Variants in SSBP3 observed in about 807,000 individuals in gnomAD.
SSBP3 encodes single-stranded DNA-binding protein 3.
SSBP3 carries 5 observed loss-of-function variants against 69.6 expected under a neutral mutation model. That is an observed-to-expected ratio of 0.07 (90% CI 0.04 to 0.15). SSBP3 has a LOEUF of 0.15. Among genes scored for constraint, SSBP3 ranks in the 10% least tolerant of loss-of-function variants. The pLI, the probability that SSBP3 is intolerant of heterozygous loss-of-function variation, is 1.00. For synonymous variants in SSBP3, 196 were observed against 193.4 expected (o/e 1.01, Z -0.11); for missense variants, 312 against 534.0 (o/e 0.58, Z 4.10).
rs1386317678 is a variant in SSBP3, at chr1:54,240,071, TGTGTGTGTGTGTGTGTGC to T, written c.856+816_856+833del. The stretch of plus-strand genomic sequence containing the variant: ...GGGTGTGTGTGTGTGTGTGTGTGTG[TGTGTGTGTGTGTGTGTGC>T]GCGCGCGCGCGTGTGCGTGCGCGCG... On this transcript the variant is annotated intron_variant, in intron 13 of 17. Coordinates refer to ENST00000610401, the Ensembl canonical transcript of SSBP3. 3.8e-3 allele frequency among the ~76,000 whole-genome samples: 100 copies of T among 26,252 alleles called. 1 individual carries two copies. Among genetic ancestry groups the T allele is most frequent in the Middle Eastern group, 0.015 (1 of 66 alleles). 17.2% of individuals were successfully genotyped at this position (26,252 alleles called of 152,430 possible).
intron 4 of SSBP3, among the ~76,000 whole-genome samples, chr1:54,394,280 A>G (rs953297761): frequency 6.6e-6 from 1 of 152,222 alleles, no homozygotes; most frequent in African/African-American, 2.4e-5. Context: ...AAAGAACACT[A>G]GGTGACCTCC....
chr1:54,329,727 C>G (rs764646558), intron 4 of SSBP3, among the ~76,000 whole-genome samples: 1 of 152,186 alleles, frequency 6.6e-6, no homozygotes, highest in Non-Finnish European at 1.5e-5. Flanking sequence ...GAGCCCCCAG[C>G]TTCTTGGGAA....
At chr1:54,228,791 G>A (rs764534702) in exon 15 of SSBP3, 8 of 1,611,170 alleles carry the variant, frequency 5.0e-6, no homozygotes, top group East Asian at 2.2e-5. Flanking sequence ...CACCCATGCC[G>A]CCCATCGGAC....
intron 9 of SSBP3, among the ~76,000 whole-genome samples, chr1:54,249,706 T>A (rs1644794068): frequency 8.8e-6 from 1 of 113,932 alleles, no homozygotes; most frequent in South Asian, 2.8e-4. Flanking sequence ...TTTTATTTTT[T>A]AAAAAATTTA....
chr1:54,380,602 C>T (rs1337237588), intron 4 of SSBP3, among the ~76,000 whole-genome samples: 3 of 152,250 alleles, frequency 2.0e-5, no homozygotes, highest in African/African-American at 7.2e-5. Context: ...TACGGCCCAT[C>T]GTGGTCCCAG....
At chr1:54,291,689 A>C (rs189891819) in intron 4 of SSBP3, among the ~76,000 whole-genome samples, 1 of 152,350 alleles carries the variant, frequency 6.6e-6, no homozygotes, top group East Asian at 1.9e-4. Context: ...TAATTGATTT[A>C]TTACTGCTGC....
intron 14 of SSBP3, among the ~76,000 whole-genome samples, chr1:54,231,720 G>A (rs962536426): frequency 6.6e-6 from 1 of 152,020 alleles, no homozygotes; most frequent in Non-Finnish European, 1.5e-5. Context: ...TTTGAGACGG[G>A]TTCTCACTCT....
intron 4 of SSBP3, among the ~76,000 whole-genome samples, chr1:54,294,691 G>A (rs1481600294): frequency 6.6e-6 from 1 of 152,074 alleles, no homozygotes; most frequent in Non-Finnish European, 1.5e-5. Context: ...CAGTCCTCTC[G>A]GCCAGCCTCC....
Position 54,341,049 on chromosome 1 carries a change from C to T in SSBP3, c.277-59522G>A, listed in dbSNP as rs944778987. Reference sequence around the variant, plus strand: ...TCCCTCCTCTGTAAATCGGTGCTGCCAAACTGAGTCGCTCTCCAGGCCAGT... The same window carrying T: ...TCCCTCCTCTGTAAATCGGTGCTGCTAAACTGAGTCGCTCTCCAGGCCAGT... On this transcript the variant is annotated intron_variant, in intron 4 of 17. Coordinates refer to ENST00000610401, the Ensembl canonical transcript of SSBP3. Among the ~76,000 whole-genome samples, 16 of 152,314 alleles carry T rather than the reference C, an allele frequency of 1.1e-4. No individual in the cohort carries two copies. In the South Asian group the frequency reaches 2.5e-3, roughly 24 times the overall value.
intron 4 of SSBP3, among the ~76,000 whole-genome samples, chr1:54,303,803 A>G (rs1348927557): frequency 6.6e-6 from 1 of 152,192 alleles, no homozygotes; most frequent in African/African-American, 2.4e-5. Flanking sequence ...GTCATTAATG[A>G]TTTTTACACT....
chr1:54,240,619 GC>G (rs1009651831), intron 13 of SSBP3, among the ~76,000 whole-genome samples: 15 of 152,044 alleles, frequency 9.9e-5, no homozygotes, highest in Non-Finnish European at 1.9e-4. Flanking sequence ...TTGGGGAAAT[GC>G]CCACCCTGAA....
chr1:54,323,446 G>A (rs1438818795), intron 4 of SSBP3, among the ~76,000 whole-genome samples: 1 of 152,200 alleles, frequency 6.6e-6, no homozygotes, highest in Non-Finnish European at 1.5e-5. Context: ...CAGGACGCCA[G>A]GCGTCCTGCT....
At chr1:54,391,862 G>T (rs1004142556) in intron 4 of SSBP3, among the ~76,000 whole-genome samples, 1 of 152,064 alleles carries the variant, frequency 6.6e-6, no homozygotes. Context: ...AGCTCCACGG[G>T]GGGCAAGGAA....
Position 54,386,683 on chromosome 1 carries a change from C to CTTTTTTTTTTTTTTTATTT in SSBP3, c.276+15177_276+15178insAAATAAAAAAAAAAAAAAA, listed in dbSNP as rs1648107158. On this transcript the variant is annotated intron_variant, in intron 4 of 17. Transcript: ENST00000610401. ...ATCCACAATGTATAAACTGATCCTA[C>CTTTTTTTTTTTTTTTATTT]TTTTTTTTTTTTTTTTTTTTTAAGA... is the stretch of plus-strand genomic sequence containing the variant. 2.6e-5 allele frequency among the ~76,000 whole-genome samples: 2 copies of CTTTTTTTTTTTTTTTATTT among 76,136 alleles called. 1 individual carries two copies. Among genetic ancestry groups the CTTTTTTTTTTTTTTTATTT allele is most frequent in the Non-Finnish European group, 4.7e-5 (2 of 42,388 alleles). 49.9% of individuals were successfully genotyped at this position (76,136 alleles called of 152,430 possible).
chr1:54,263,392 C>T (rs1645048328), intron 5 of SSBP3, among the ~76,000 whole-genome samples: 1 of 152,166 alleles, frequency 6.6e-6, no homozygotes, highest in South Asian at 2.1e-4. Flanking sequence ...AATCCCAGCT[C>T]CTCCGGTTCA....
intron 14 of SSBP3, 155 bp downstream of exon 14, chr1:54,238,974 T>G: frequency 5.2e-6 from 3 of 580,546 alleles, no homozygotes; most frequent in Non-Finnish European, 6.2e-6. Context: ...GGGAACTGAG[T>G]TGCCCAAGAG....
intron 4 of SSBP3, among the ~76,000 whole-genome samples, chr1:54,334,333 C>T (rs190304589): frequency 6.6e-6 from 1 of 151,324 alleles, no homozygotes; most frequent in East Asian, 1.9e-4. Flanking sequence ...GCCTGGGCAA[C>T]AGAGCAAGAC....
At chr1:54,333,767 T>C (rs899759585) in intron 4 of SSBP3, among the ~76,000 whole-genome samples, 2 of 152,156 alleles carry the variant, frequency 1.3e-5, no homozygotes, top group Admixed American at 6.5e-5. Context: ...GTGAGGGCCA[T>C]ATAAAAGTCA....
intron 4 of SSBP3, among the ~76,000 whole-genome samples, chr1:54,281,869 G>T (rs1216997520): frequency 6.6e-6 from 1 of 152,042 alleles, no homozygotes; most frequent in Non-Finnish European, 1.5e-5. Context: ...GGTTGAGGCT[G>T]GAGAATCGCT....
Sources: allele counts gnomAD v4.1 joint callset (sites outside exome capture counted in the v4.1 genomes callset), GRCh38; gene constraint gnomAD v4.1.1; transcripts MANE v1.5; gene names NCBI Gene and HGNC (gene_info 2026-07-23, HGNC 2026-07-21).